TTC27: variants seen among roughly 807,000 people sequenced by gnomAD.
TTC27 encodes tetratricopeptide repeat protein 27.
TTC27 carries 79 observed loss-of-function variants against 115.9 expected under a neutral mutation model. That is an observed-to-expected ratio of 0.68 (90% CI 0.57 to 0.82). TTC27 has a LOEUF of 0.82. TTC27 is among the 40% of genes least tolerant of loss of function. The pLI is 0.00. For synonymous variants in TTC27, 401 were observed against 356.0 expected (o/e 1.13, Z -1.42); for missense variants, 1,054 against 993.1 (o/e 1.06, Z -0.82).
intron 3 of TTC27, among the ~76,000 whole-genome samples, chr2:32,636,277 G>A (rs1055598207): frequency 1.2e-4 from 18 of 152,152 alleles, no homozygotes; most frequent in South Asian, 4.2e-4. Flanking sequence ...GCAGTGGTGC[G>A]ATCTCGGCTC....
intron 5 of TTC27, among the ~76,000 whole-genome samples, chr2:32,652,554 A>T (rs573619386): frequency 6.2e-4 from 95 of 152,252 alleles, no homozygotes; most frequent in Admixed American, 2.0e-3. Context: ...TTTCTATATT[A>T]TATTTCAGCA....
chr2:32,753,409 C>T (rs1462102328), intron 12 of TTC27, among the ~76,000 whole-genome samples: 4 of 141,294 alleles, frequency 2.8e-5, no homozygotes, highest in African/African-American at 5.2e-5. Context: ...AAAGCATACT[C>T]GGTTAATCCA....
chr2:32,664,116 A>G (rs1294138462), intron 5 of TTC27, among the ~76,000 whole-genome samples, 187 bp from the exon 6 acceptor site: 10 of 152,314 alleles, frequency 6.6e-5, no homozygotes, highest in Admixed American at 5.9e-4. Context: ...TGTCTGGAGC[A>G]TATAAGTGCT....
intron 10 of TTC27, among the ~76,000 whole-genome samples, chr2:32,709,575 G>A (rs554442614): frequency 6.6e-6 from 1 of 152,294 alleles, no homozygotes; most frequent in South Asian, 2.1e-4. Context: ...ATGTCAATCC[G>A]AGGTGTTGGC....
intron 5 of TTC27, among the ~76,000 whole-genome samples, chr2:32,662,045 TTC>T (rs1665567880): frequency 6.6e-6 from 1 of 152,138 alleles, no homozygotes; most frequent in Non-Finnish European, 1.5e-5. Context: ...TTTGTCACGG[TTC>T]TGTTTATGTG....
chr2:32,730,621 A>ATTT (rs10712292), intron 10 of TTC27, among the ~76,000 whole-genome samples: 6 of 137,820 alleles, frequency 4.4e-5, no homozygotes, highest in Non-Finnish European at 3.1e-5. Context: ...AGACTTTCTT[A>ATTT]TTTTTTTTTT....
chr2:32,726,137 G>C (rs1478180177), intron 10 of TTC27, among the ~76,000 whole-genome samples: 5 of 152,336 alleles, frequency 3.3e-5, no homozygotes, highest in African/African-American at 1.2e-4. Flanking sequence ...AGGGGCTGCT[G>C]TGAAGACCCC....
chr2:32,650,265 T>A, intron 5 of TTC27, 32 bp downstream of exon 5: 1 of 1,545,096 alleles, frequency 6.5e-7, no homozygotes, highest in South Asian at 1.1e-5. Flanking sequence ...GATATGGGCA[T>A]GTAGCTCAGT....
intron 16 of TTC27, among the ~76,000 whole-genome samples, chr2:32,803,527 C>G (rs953683719): frequency 2.6e-5 from 4 of 152,226 alleles, no homozygotes; most frequent in Admixed American, 6.5e-5. Flanking sequence ...ATCCAACCCA[C>G]TTCTGTCTCC....
At chr2:32,700,251 A>G (rs1667138375) in intron 9 of TTC27, among the ~76,000 whole-genome samples, 1 of 152,164 alleles carries the variant, frequency 6.6e-6, no homozygotes, top group Non-Finnish European at 1.5e-5. Context: ...AGAGATGGGA[A>G]TGCTCCTCCA....
chr2:32,723,288 C>G (rs142633148), intron 10 of TTC27, among the ~76,000 whole-genome samples: 1 of 152,168 alleles, frequency 6.6e-6, no homozygotes, highest in East Asian at 1.9e-4. Context: ...AACATCCTTA[C>G]GCAGCATTTT....
intron 1 of TTC27, among the ~76,000 whole-genome samples, chr2:32,628,891 G>C (rs1010830930): frequency 6.6e-6 from 1 of 151,664 alleles, no homozygotes; most frequent in African/African-American, 2.4e-5. Context: ...CTCCAGGGTA[G>C]CTGGGATTAC....
intron 3 of TTC27, among the ~76,000 whole-genome samples, chr2:32,637,522 G>A (rs1040812136): frequency 3.9e-5 from 6 of 151,944 alleles, no homozygotes; most frequent in Admixed American, 1.3e-4. Flanking sequence ...TAATAGAGAC[G>A]GGGTTTCACC....
At chr2:32,681,978 A>G (rs1470383632) in intron 9 of TTC27, among the ~76,000 whole-genome samples, 2 of 137,834 alleles carry the variant, frequency 1.5e-5, no homozygotes, top group African/African-American at 5.5e-5. Context: ...ATATGTATAT[A>G]TATGTGTGTG....
intron 4 of TTC27, among the ~76,000 whole-genome samples, chr2:32,649,709 C>A (rs1413016014): frequency 6.6e-6 from 1 of 151,954 alleles, no homozygotes; most frequent in African/African-American, 2.4e-5. Flanking sequence ...CCACGCCCAG[C>A]TAATTTTTAT....
At chr2:32,761,880 T>C (rs1014800409) in intron 13 of TTC27, among the ~76,000 whole-genome samples, 1 of 151,120 alleles carries the variant, frequency 6.6e-6, no homozygotes, top group South Asian at 2.1e-4. Flanking sequence ...TCAATAAATA[T>C]TTGTCAAATG....
chr2:32,702,470 A>G (rs1667217878), intron 9 of TTC27, among the ~76,000 whole-genome samples: 2 of 152,132 alleles, frequency 1.3e-5, no homozygotes, highest in African/African-American at 4.8e-5. Flanking sequence ...TTCTCTGGGT[A>G]ATGGTGGTCA....
In TTC27 at chr2:32,776,862, G is replaced by A. The variant is rs369866710; in HGVS notation, c.1681-1020G>A. Among the ~76,000 whole-genome samples the A allele has an allele frequency of 6.8e-4, 104 of 152,158 alleles. 1 individual carries two copies. The Middle Eastern group carries it at 0.027, about 40-fold the overall frequency. On this transcript the variant is annotated intron_variant, in intron 13 of 19. Transcript: ENST00000317907. ...TGACCTCAAGTGATCCGCCCACCTC[G>A]GCCTCCCAAAGTGCCGGGATTACAG...
intron 12 of TTC27, among the ~76,000 whole-genome samples, chr2:32,756,225 G>A (rs1291537287): frequency 6.6e-6 from 1 of 152,258 alleles, no homozygotes; most frequent in African/African-American, 2.4e-5. Context: ...TTTCTGGGGT[G>A]ACGTGGGTAC....
Sources: allele counts gnomAD v4.1 joint callset (sites outside exome capture counted in the v4.1 genomes callset), GRCh38; gene constraint gnomAD v4.1.1; transcripts MANE v1.5; gene names NCBI Gene and HGNC (gene_info 2026-07-23, HGNC 2026-07-21).